CEP120: variants seen among roughly 807,000 people sequenced by gnomAD.
The protein encoded by CEP120 is centrosomal protein of 120 kDa.
CEP120 carries 113 observed loss-of-function variants against 126.5 expected under a neutral mutation model. That is an observed-to-expected ratio of 0.89 (90% CI 0.77 to 1.04). The LOEUF is 1.04. Ranked by LOEUF, CEP120 falls within the 50% of genes least tolerant of loss-of-function variation. The pLI, the probability that CEP120 is intolerant of heterozygous loss-of-function variation, is 0.00. For missense variants in CEP120, 1,230 were observed against 1,155.7 expected (o/e 1.06, Z -0.93); for synonymous variants, 400 against 394.3 (o/e 1.01, Z -0.17).
In CEP120 at chr5:123,352,908, A is replaced by G. The variant is rs1051969103; in HGVS notation, c.2581-2819T>C. On this transcript the variant is annotated intron_variant, in intron 18 of 19. Coordinates refer to ENST00000306467, the MANE Select transcript of CEP120 (RefSeq NM_001375405.1). ...ATTATATTTTAGATGGTAGAGCTTT[A>G]CAATTTTCACTTCCTAATTGCCTCT... Among the ~76,000 whole-genome samples the G allele has an allele frequency of 3.1e-5, 3 of 96,088 alleles. No individual in the cohort carries two copies. In the Admixed American group the frequency reaches 3.2e-4, roughly 10 times the overall value. The allele number at this position is 96,088 out of a possible 152,430, so 63.0% of individuals were successfully genotyped here. A position where few individuals can be genotyped will look rare whatever the true frequency, so the allele number is the denominator to read the frequency against.
chr5:123,350,331 G>A (rs1769122967), intron 18 of CEP120, among the ~76,000 whole-genome samples: 1 of 152,030 alleles, frequency 6.6e-6, no homozygotes, highest in African/African-American at 2.4e-5. Flanking sequence ...CTCCTGCTTC[G>A]GCCTCTGGGC....
Position 123,423,334 on chromosome 5 carries a change from C to A in CEP120, c.-336G>T. ...AACGCCCGGGCGGCCGCAGCGGCCG[C>A]CGCCGCGCCCAGCTTCCGCCTAGCA... On this transcript the variant is annotated 5_prime_UTR_variant, in exon 1 of 20. Coordinates refer to ENST00000306467, the MANE Select transcript of CEP120 (RefSeq NM_001375405.1). 2.9e-6 allele frequency: 1 copy of A among 347,422 alleles called. No homozygotes were observed. The highest frequency in any genetic ancestry group is 3.6e-5 in the South Asian group (1 of 27,844). 21.5% of individuals were successfully genotyped at this position (347,422 alleles called of 1,614,324 possible).
intron 16 of CEP120, among the ~76,000 whole-genome samples, chr5:123,375,993 CTT>C (rs368495804): frequency 6.3e-5 from 9 of 141,940 alleles, no homozygotes; most frequent in South Asian, 2.3e-4. Context: ...CAGCTTGATT[CTT>C]TTTTTTTTTT....
intron 4 of CEP120, chr5:123,401,967 A>G (rs1773276833): frequency 1.3e-6 from 2 of 1,596,980 alleles, no homozygotes; most frequent in Non-Finnish European, 1.7e-6. Flanking sequence ...CTGCTGCTGC[A>G]GGAGGCTCCA....
Position 123,377,387 on chromosome 5 carries a change from C to G in CEP120, c.2345G>C (p.Arg782Pro), listed in dbSNP as rs768733124. 4 of 1,607,382 alleles carry G rather than the reference C, an allele frequency of 2.5e-6. No individual in the cohort carries two copies. The Admixed American group carries it at 5.2e-5, about 21-fold the overall frequency. ...ACGTTATCCAACCTGTTGCTGAAGG[C>G]GGTGTTTATCCTCTTCGAGCTGTTT... ...KIKQLEEDKH[R>P]LQQQLNDAEN... Residue 782 changes from arginine (R) to proline (P), a missense_variant, in exon 16 of 20, where the codon CGC becomes CCC. By Grantham distance (103) the Arg-to-Pro change is moderately radical. Coordinates refer to ENST00000306467, the MANE Select transcript of CEP120 (RefSeq NM_001375405.1).
At chr5:123,373,496 G>C (rs1770995673) in intron 16 of CEP120, among the ~76,000 whole-genome samples, 1 of 152,040 alleles carries the variant, frequency 6.6e-6, no homozygotes, top group African/African-American at 2.4e-5. Context: ...CAAAGAACAG[G>C]AGCATAAAGA....
chr5:123,377,289 C>G (rs752430890), intron 16 of CEP120, 85 bp downstream of exon 16: 2 of 1,300,152 alleles, frequency 1.5e-6, no homozygotes, highest in Non-Finnish European at 2.1e-6. Flanking sequence ...AATTTTACCA[C>G]TTTTTAGTAG....
Position 123,423,010 on chromosome 5 carries a change from G to A in CEP120, c.-12C>T. 2 of 1,613,832 alleles carry A rather than the reference G, an allele frequency of 1.2e-6. No individual in the cohort carries two copies. The highest frequency in any genetic ancestry group is 2.2e-5 in the South Asian group (2 of 91,082). Reference sequence around the variant, plus strand: ...GATTTGGAGACCATGGTTGCGGTGAGCGGTCCGGGGGCGAAGGCGGCTGGG... The same window carrying A: ...GATTTGGAGACCATGGTTGCGGTGAACGGTCCGGGGGCGAAGGCGGCTGGG... On this transcript the variant is annotated 5_prime_UTR_variant, in exon 1 of 20. Coordinates refer to ENST00000306467, the MANE Select transcript of CEP120 (RefSeq NM_001375405.1).
At chr5:123,407,599 G>T (rs1580730536) in intron 4 of CEP120, among the ~76,000 whole-genome samples, 1 of 152,158 alleles carries the variant, frequency 6.6e-6, no homozygotes, top group African/African-American at 2.4e-5. Flanking sequence ...AACTAACAGA[G>T]CTGCAAGGAG....
intron 18 of CEP120, among the ~76,000 whole-genome samples, chr5:123,352,429 A>G (rs2126971346): frequency 6.6e-6 from 1 of 152,106 alleles, no homozygotes; most frequent in Non-Finnish European, 1.5e-5. Context: ...GTAGAGCTCA[A>G]ACTGACCTAG....
rs949538923 is a variant in CEP120 at position 123,423,226 on chromosome 5, G to A, written c.-228C>T. The A allele has an allele frequency of 3.5e-6, 2 of 563,410 alleles. No homozygotes were observed. The highest frequency in any genetic ancestry group is 5.9e-5 in the East Asian group (2 of 34,072). The allele number at this position is 563,410 out of a possible 1,614,324, so 34.9% of individuals were successfully genotyped here. A position where few individuals can be genotyped will look rare whatever the true frequency, so the allele number is the denominator to read the frequency against. ...AACTGTGCCCCGACTCAAGGAAAAA[G>A]CCACGCTGCAGCCCTGCCAGTCTGC... On this transcript the variant is annotated 5_prime_UTR_variant, in exon 1 of 20. Transcript: ENST00000306467.
chr5:123,415,946 G>C, intron 3 of CEP120, 64 bp downstream of exon 3: 1 of 1,057,404 alleles, frequency 9.5e-7, no homozygotes, highest in Non-Finnish European at 1.5e-6. Flanking sequence ...TCATCAATCT[G>C]TTATCTACTG....
chr5:123,399,811 G>A (rs537152876), intron 4 of CEP120, among the ~76,000 whole-genome samples: 6 of 152,284 alleles, frequency 3.9e-5, no homozygotes, highest in South Asian at 4.1e-4. Flanking sequence ...CCTTCTGTAT[G>A]CTATCCAGAA....
intron 4 of CEP120, among the ~76,000 whole-genome samples, chr5:123,410,458 A>G (rs6884179): frequency 0.44 from 66,738 of 152,096 alleles, 14,616 homozygotes; most frequent in East Asian, 0.47. Context: ...CAGTAATCAA[A>G]ACAGTGTTGC....
chr5:123,364,741 A>G (rs1770333293), intron 17 of CEP120, 147 bp from the exon 18 acceptor site: 1 of 389,036 alleles, frequency 2.6e-6, no homozygotes, highest in Non-Finnish European at 4.6e-6. Flanking sequence ...ATAATTTACT[A>G]TAAATATTAT....
chr5:123,352,477 G>C (rs1769258984), intron 18 of CEP120, among the ~76,000 whole-genome samples: 1 of 151,852 alleles, frequency 6.6e-6, no homozygotes, highest in South Asian at 2.1e-4. Flanking sequence ...CTTGTTGCTT[G>C]GCAGTTATCA....
In CEP120 at chr5:123,382,127, G is replaced by A; in HGVS notation, c.2087C>T (p.Ser696Leu). The A allele has an allele frequency of 6.2e-7, 1 of 1,601,268 alleles. No homozygotes were observed. Among genetic ancestry groups the A allele is most frequent in the East Asian group, 2.2e-5 (1 of 44,462 alleles). Residue 696 changes from serine to leucine, a missense_variant, in exon 14 of 20, where the codon TCA becomes TTA. By Grantham distance (145) the Ser-to-Leu change is moderately radical (BLOSUM62 -2). Coordinates refer to ENST00000306467, the MANE Select transcript of CEP120 (RefSeq NM_001375405.1). Reference sequence around the variant, plus strand: ...AGTTATTACCTTTTTCTTTACTAGTGATTCTCTTTCTCGGTCCCTTTTCTT... The same window carrying A: ...AGTTATTACCTTTTTCTTTACTAGTAATTCTCTTTCTCGGTCCCTTTTCTT... ...EWKKRDRERE[S>L]LVKKKVAEYT... is the part of the protein sequence containing the mutation.
intron 9 of CEP120, among the ~76,000 whole-genome samples, chr5:123,388,030 C>CT (rs1312319293): frequency 2.1e-5 from 1 of 47,736 alleles, no homozygotes; most frequent in Non-Finnish European, 4.5e-5. Context: ...ACCAGTAATA[C>CT]TTTGACTAGT....
intron 4 of CEP120, among the ~76,000 whole-genome samples, chr5:123,406,515 A>G (rs563085062): frequency 4.0e-5 from 6 of 151,614 alleles, no homozygotes; most frequent in South Asian, 2.1e-4. Context: ...GGGACCAAAG[A>G]TAAGAATTAC....
Sources: gnomAD v4.1 joint callset for allele counts (sites outside exome capture counted in the v4.1 genomes callset) on GRCh38, gnomAD v4.1.1 for gene constraint, MANE v1.5 for transcripts, NCBI Gene and HGNC (gene_info 2026-07-23, HGNC 2026-07-21) for gene names.